BMPR1A: variants seen among roughly 807,000 people sequenced by gnomAD.
BMPR1A encodes the protein bone morphogenetic protein receptor type 1A, also known as bone morphogenetic protein receptor type-1A.
BMPR1A carries 7 observed loss-of-function variants against 66.0 expected under a neutral mutation model. The ratio of observed to expected loss-of-function variants is 0.11; its 90% CI spans 0.06 to 0.20. The LOEUF (loss-of-function observed/expected upper bound fraction) is 0.20. Among genes scored for constraint, BMPR1A ranks in the 10% least tolerant of loss-of-function variants. The pLI, the probability that BMPR1A is intolerant of heterozygous loss-of-function variation, is 1.00. For synonymous variants in BMPR1A, 200 were observed against 229.7 expected, an observed-to-expected ratio of 0.87 and a Z score of 1.17; for missense variants, 408 against 669.1, an observed-to-expected ratio of 0.61 and a Z score of 4.31.
chr10:86,778,153 T>TAC (rs1487880216), intron 1 of BMPR1A, among the ~76,000 whole-genome samples: 2 of 152,150 alleles, frequency 1.3e-5, no homozygotes, highest in African/African-American at 4.8e-5. Flanking sequence ...GCTCATGGGC[T>TAC]ACATGTGGCC....
intron 1 of BMPR1A, among the ~76,000 whole-genome samples, chr10:86,779,817 GTC>G (rs1457266674): frequency 6.6e-6 from 1 of 152,132 alleles, no homozygotes; most frequent in African/African-American, 2.4e-5. Context: ...GCCCAGGCTT[GTC>G]TCAAATTCCT....
chr10:86,786,581 C>T (rs1317619308), intron 1 of BMPR1A, among the ~76,000 whole-genome samples: 1 of 152,218 alleles, frequency 6.6e-6, no homozygotes, highest in Non-Finnish European at 1.5e-5. Flanking sequence ...TCTTTTGTCA[C>T]AGAGTCCCTC....
At chr10:86,902,111 C>T (rs906560529) in intron 7 of BMPR1A, among the ~76,000 whole-genome samples, 25 of 152,130 alleles carry the variant, frequency 1.6e-4, no homozygotes, top group Non-Finnish European at 2.6e-4. Flanking sequence ...CCACCCACCT[C>T]GCCCTCCCAA....
intron 1 of BMPR1A, among the ~76,000 whole-genome samples, chr10:86,809,864 A>G (rs1183979656): frequency 1.3e-5 from 2 of 152,128 alleles, no homozygotes; most frequent in African/African-American, 4.8e-5. Flanking sequence ...TGCCTCATAT[A>G]GGTGGAATTG....
chr10:86,800,267 A>G (rs970971131), intron 1 of BMPR1A, among the ~76,000 whole-genome samples: 47 of 152,306 alleles, frequency 3.1e-4, no homozygotes, highest in Admixed American at 5.2e-4. Context: ...TCTCCCTGCC[A>G]TCTGCCCGGC....
chr10:86,816,846 G>T (rs1340464716), intron 1 of BMPR1A, among the ~76,000 whole-genome samples: 1 of 152,038 alleles, frequency 6.6e-6, no homozygotes, highest in Admixed American at 6.6e-5. Context: ...ACTCTTTATG[G>T]GAACAGCACC....
intron 7 of BMPR1A, among the ~76,000 whole-genome samples, chr10:86,909,750 A>G (rs953177042): frequency 6.6e-6 from 1 of 152,196 alleles, no homozygotes; most frequent in African/African-American, 2.4e-5. Context: ...ATGACATTCA[A>G]AGGTAGGCGA....
intron 7 of BMPR1A, among the ~76,000 whole-genome samples, chr10:86,910,833 C>T (rs150478317): frequency 7.4e-4 from 113 of 152,244 alleles, no homozygotes; most frequent in African/African-American, 2.6e-3. Flanking sequence ...AGGCCAGGCA[C>T]AGTGGGTCAC....
At chr10:86,778,967 C>T (rs7919774) in intron 1 of BMPR1A, among the ~76,000 whole-genome samples, 116 of 147,026 alleles carry the variant, frequency 7.9e-4, no homozygotes, top group African/African-American at 2.8e-3. Flanking sequence ...GGGGTTTCAC[C>T]ATGTTGGCCA....
downstream of BMPR1A, chr10:86,931,340 G>T (rs185194848): frequency 1.1e-3 from 158 of 138,386 alleles, no homozygotes; most frequent in African/African-American, 4.3e-3. Context: ...AAAATATTGG[G>T]CCCCCTTGTT....
At chr10:86,840,818 C>G (rs551396577) in intron 2 of BMPR1A, among the ~76,000 whole-genome samples, 1 of 152,306 alleles carries the variant, frequency 6.6e-6, no homozygotes, top group Admixed American at 6.5e-5. Context: ...CCCTTAGGCA[C>G]AAGTGAAGTC....
At chr10:86,778,239 T>C (rs1008567042) in intron 1 of BMPR1A, among the ~76,000 whole-genome samples, 1 of 152,086 alleles carries the variant, frequency 6.6e-6, no homozygotes, top group East Asian at 1.9e-4. Context: ...GCAATTTTTT[T>C]TTTTGGTAGC....
chr10:86,850,491 T>C (rs1228221209), intron 2 of BMPR1A, among the ~76,000 whole-genome samples: 1 of 152,196 alleles, frequency 6.6e-6, no homozygotes, highest in African/African-American at 2.4e-5. Context: ...CAGCACGGTC[T>C]GGGATTCTGC....
intron 2 of BMPR1A, among the ~76,000 whole-genome samples, chr10:86,871,536 C>T (rs1045740013): frequency 2.0e-5 from 3 of 152,230 alleles, no homozygotes; most frequent in Non-Finnish European, 2.9e-5. Context: ...TAGGGCCAGG[C>T]GGTGGTGGCT....
At chr10:86,832,164 A>G (rs1003461931) in intron 1 of BMPR1A, among the ~76,000 whole-genome samples, 7 of 152,166 alleles carry the variant, frequency 4.6e-5, no homozygotes, top group Admixed American at 3.9e-4. Context: ...CATTTTGTAC[A>G]TAATTAGAAA....
At chr10:86,848,890 G>GC (rs1047488165) in intron 2 of BMPR1A, among the ~76,000 whole-genome samples, 4 of 152,048 alleles carry the variant, frequency 2.6e-5, no homozygotes, top group South Asian at 2.1e-4. Context: ...AATTTTATCA[G>GC]CCCCCCCTCT....
At chr10:86,905,719 C>A (rs1843375626) in intron 7 of BMPR1A, among the ~76,000 whole-genome samples, 1 of 151,376 alleles carries the variant, frequency 6.6e-6, no homozygotes, top group Non-Finnish European at 1.5e-5. Context: ...TTATAATGGA[C>A]CCTTTATCCT....
intron 1 of BMPR1A, among the ~76,000 whole-genome samples, chr10:86,760,548 T>G (rs1841033416): frequency 6.6e-6 from 1 of 152,098 alleles, no homozygotes; most frequent in Admixed American, 6.5e-5. Context: ...TATAGCAGTT[T>G]TTATACAAAT....
Position 86,786,418 on chromosome 10 carries a change from C to G in BMPR1A, c.-268+29499C>G, listed in dbSNP as rs531372106. Among the ~76,000 whole-genome samples the G allele has an allele frequency of 9.2e-5, 14 of 152,216 alleles. 2 individuals carry two copies. In the South Asian group the frequency reaches 2.7e-3, roughly 29 times the overall value. On this transcript the variant is annotated intron_variant, in intron 1 of 12. Transcript: ENST00000372037. ...CCAGCACCCTGTTTCTTGCACTGCT[C>G]TTGCGAGGTCAGCTCTGACCCTACC...
Sources: gnomAD v4.1 joint callset for allele counts (sites outside exome capture counted in the v4.1 genomes callset) on GRCh38, gnomAD v4.1.1 for gene constraint, MANE v1.5 for transcripts, NCBI Gene and HGNC (gene_info 2026-07-23, HGNC 2026-07-21) for gene names.